The following IPO11 variants were observed in gnomAD, a reference collection of about 807,000 sequenced individuals.
IPO11 encodes importin-11.
IPO11 carries 66 observed loss-of-function variants against 143.2 expected under a neutral mutation model. That is an observed-to-expected ratio of 0.46 (90% CI 0.38 to 0.57). The LOEUF (loss-of-function observed/expected upper bound fraction) is 0.57, where lower values mean the gene tolerates loss of function less well. IPO11 is among the 20% of genes least tolerant of loss of function. The pLI is 0.00. For missense variants in IPO11, 1,026 were observed against 1,141.0 expected (o/e 0.90, Z 1.45); for synonymous variants, 385 against 377.8 (o/e 1.02, Z -0.22).
At chr5:62,609,290 TC>T (rs1745845613) in intron 29 of IPO11, among the ~76,000 whole-genome samples, 1 of 152,224 alleles carries the variant, frequency 6.6e-6, no homozygotes, top group Admixed American at 6.5e-5. Flanking sequence ...TCTTGTAGGT[TC>T]TACTCATTCT....
At position 62,438,260 on chromosome 5, in the gene IPO11, G is replaced by T. The variant is rs575843317; in HGVS notation, c.138+843G>T. Among the ~76,000 whole-genome samples the T allele has an allele frequency of 2.0e-5, 3 of 151,984 alleles. No homozygotes were observed. The South Asian group carries it at 6.2e-4, about 31-fold the overall frequency. On this transcript the variant is annotated intron_variant, in intron 2 of 29. Coordinates refer to ENST00000325324, the MANE Select transcript of IPO11 (RefSeq NM_016338.5). ...TGTTTGTTAAATTGAAGAAGATATT[G>T]TTCATGACAGTAAGGGAAATTGTTT...
At chr5:62,432,689 G>A (rs1247414196) in intron 1 of IPO11, among the ~76,000 whole-genome samples, 2 of 152,206 alleles carry the variant, frequency 1.3e-5, no homozygotes, top group African/African-American at 4.8e-5. Flanking sequence ...CCTGAGGAGA[G>A]GGTCTGTGGA....
At chr5:62,440,349 C>CCT (rs1561311439) in intron 2 of IPO11, among the ~76,000 whole-genome samples, 1 of 132,156 alleles carries the variant, frequency 7.6e-6, no homozygotes. Flanking sequence ...TGTACGTCCC[C>CCT]TTTTTTTTTT....
chr5:62,508,298 ATTTTTTT>A (rs70981020), intron 19 of IPO11, among the ~76,000 whole-genome samples: 20 of 127,470 alleles, frequency 1.6e-4, no homozygotes, highest in Non-Finnish European at 2.6e-4. Flanking sequence ...TGCCTGGCTA[ATTTTTTT>A]TTTTTTTTTT....
At chr5:62,434,586 C>G (rs974525098) in intron 1 of IPO11, among the ~76,000 whole-genome samples, 5 of 151,982 alleles carry the variant, frequency 3.3e-5, no homozygotes, top group African/African-American at 9.7e-5. Flanking sequence ...CAGGTGTGAG[C>G]CACCACACCT....
chr5:62,496,294 A>G (rs1034138211), intron 16 of IPO11, among the ~76,000 whole-genome samples: 1 of 152,084 alleles, frequency 6.6e-6, no homozygotes, highest in Admixed American at 6.6e-5. Flanking sequence ...TCAAAAAAAA[A>G]AAGAAAAAAA....
rs906586032 is a variant in IPO11 at position 62,549,660 on chromosome 5, T to C, written c.2251-707T>C. Among the ~76,000 whole-genome samples, 5 of 152,326 alleles carry C rather than the reference T, an allele frequency of 3.3e-5. 1 individual carries two copies. The South Asian group carries it at 1.0e-3, about 32-fold the overall frequency. ...GGTAAATGTCCTTCTTGGTCCTTTTTGCTGTTTCGTGACCACTGCATTCTT... is the reference window on the plus strand; with the variant it reads ...GGTAAATGTCCTTCTTGGTCCTTTTCGCTGTTTCGTGACCACTGCATTCTT... On this transcript the variant is annotated intron_variant, in intron 24 of 29. Transcript: ENST00000325324.
intron 24 of IPO11, among the ~76,000 whole-genome samples, chr5:62,542,389 A>G (rs754293615): frequency 1.3e-5 from 2 of 152,152 alleles, no homozygotes; most frequent in East Asian, 1.9e-4. Flanking sequence ...TTTTACTGCT[A>G]TATTTGAAGG....
rs1453241241 is a variant in IPO11 at position 62,561,196 on chromosome 5, C to T, written c.2521C>T (p.Gln841Ter). 6 of 1,611,044 alleles carry T rather than the reference C, an allele frequency of 3.7e-6. No individual in the cohort carries two copies. Among genetic ancestry groups the T allele is most frequent in the Non-Finnish European group, 5.1e-6 (6 of 1,178,400 alleles). ...MWVDRMDNIT[Q>*]PERRKLSALA... is the part of the protein sequence containing the mutation. ...GGTTGATCGAATGGACAACATTACC[C>T]AGCCTGAAAGAAGAAAACTTTCAGC... Residue 841 changes from glutamine (Q) to a stop codon, truncating the protein, a stop_gained, in exon 27 of 30, where the codon CAG becomes TAG. Coordinates refer to ENST00000325324, the MANE Select transcript of IPO11 (RefSeq NM_016338.5). LOFTEE classifies it high-confidence loss of function.
At chr5:62,461,315 T>C (rs992859914) in intron 5 of IPO11, among the ~76,000 whole-genome samples, 1 of 152,174 alleles carries the variant, frequency 6.6e-6, no homozygotes, top group Non-Finnish European at 1.5e-5. Context: ...CAAACTGACC[T>C]AATAGGATTC....
chr5:62,525,112 T>C (rs540415569), intron 20 of IPO11, among the ~76,000 whole-genome samples: 54 of 152,284 alleles, frequency 3.5e-4, no homozygotes, highest in South Asian at 1.2e-3. Flanking sequence ...AATTCTTAAA[T>C]ATGTTGAAAA....
intron 28 of IPO11, among the ~76,000 whole-genome samples, chr5:62,592,880 T>A (rs1745079848): frequency 6.6e-6 from 1 of 151,962 alleles, no homozygotes; most frequent in Non-Finnish European, 1.5e-5. Context: ...CCATGACACA[T>A]GGGGATTATG....
intron 5 of IPO11, among the ~76,000 whole-genome samples, chr5:62,454,141 AAAAT>A (rs750572186): frequency 0.017 from 2,640 of 152,264 alleles, 73 homozygotes; most frequent in African/African-American, 0.059. Context: ...TCTCAAATAA[AAAAT>A]AAATAAATAA....
intron 20 of IPO11, among the ~76,000 whole-genome samples, chr5:62,519,170 A>G (rs185470964): frequency 8.2e-4 from 125 of 152,342 alleles, no homozygotes; most frequent in African/African-American, 3.0e-3. Context: ...AGAGTGGTAA[A>G]GGTGTTTTAG....
chr5:62,577,064 A>G (rs538103122), intron 27 of IPO11, among the ~76,000 whole-genome samples: 6 of 152,364 alleles, frequency 3.9e-5, no homozygotes, highest in African/African-American at 1.4e-4. Context: ...TAATAGTTGT[A>G]ATGAACATTA....
chr5:62,471,582 T>G (rs1745774295), intron 7 of IPO11, among the ~76,000 whole-genome samples: 2 of 152,210 alleles, frequency 1.3e-5, no homozygotes, highest in Admixed American at 1.3e-4. Context: ...TGGATAGACC[T>G]TCTCACTCAA....
chr5:62,438,991 A>G (rs1468630338), intron 2 of IPO11, among the ~76,000 whole-genome samples: 1 of 151,360 alleles, frequency 6.6e-6, no homozygotes, highest in East Asian at 2.0e-4. Context: ...CCCAGGAAGC[A>G]GAGCTTGCAG....
intron 8 of IPO11, 99 bp downstream of exon 8, chr5:62,474,563 G>A (rs1013264622): frequency 1.1e-5 from 9 of 840,436 alleles, no homozygotes; most frequent in South Asian, 1.6e-5. Flanking sequence ...ATTAATAGAT[G>A]CTTATTCATT....
chr5:62,615,867 C>A (rs1233262974), intron 29 of IPO11, among the ~76,000 whole-genome samples: 1 of 152,132 alleles, frequency 6.6e-6, no homozygotes, highest in Admixed American at 6.5e-5. Context: ...CTGTGAATCT[C>A]AATTTTAGAA....
Sources: gnomAD v4.1 joint callset for allele counts (sites outside exome capture counted in the v4.1 genomes callset) on GRCh38, gnomAD v4.1.1 for gene constraint, MANE v1.5 for transcripts, NCBI Gene and HGNC (gene_info 2026-07-23, HGNC 2026-07-21) for gene names.